ADARB2: variants seen among roughly 807,000 people sequenced by gnomAD.
ADARB2 encodes the protein inactive double-stranded RNA-specific editase B2.
In ADARB2, 25 loss-of-function variants were observed where a neutral mutation model predicts 62.2. That is an observed-to-expected ratio of 0.40 (90% CI 0.29 to 0.56). ADARB2 has a LOEUF of 0.56. Among genes scored for constraint, ADARB2 ranks in the 20% least tolerant of loss-of-function variants. The pLI, the probability that ADARB2 is intolerant of heterozygous loss-of-function variation, is 0.43. For missense variants in ADARB2, 1,071 were observed against 1,077.4 expected (o/e 0.99, Z 0.08); for synonymous variants, 572 against 500.8 (o/e 1.14, Z -1.90).
chr10:1,254,064 G>T (rs1429740196), intron 4 of ADARB2, among the ~76,000 whole-genome samples: 1 of 151,938 alleles, frequency 6.6e-6, no homozygotes, highest in East Asian at 1.9e-4. Context: ...CGGCTCTGTG[G>T]TTAGGATGTG....
At chr10:1,586,701 G>T (rs1304600221) in intron 1 of ADARB2, among the ~76,000 whole-genome samples, 1 of 152,186 alleles carries the variant, frequency 6.6e-6, no homozygotes, top group Non-Finnish European at 1.5e-5. Context: ...ACAGAGAATA[G>T]ATTCCTGGAT....
At chr10:1,600,749 C>T (rs1833401955) in intron 1 of ADARB2, among the ~76,000 whole-genome samples, 1 of 151,736 alleles carries the variant, frequency 6.6e-6, no homozygotes, top group Admixed American at 6.6e-5. Context: ...AGAAGGAGTC[C>T]CATTGATTTC....
chr10:1,579,477 T>C (rs1833065960), intron 1 of ADARB2, among the ~76,000 whole-genome samples: 2 of 152,182 alleles, frequency 1.3e-5, no homozygotes, highest in Admixed American at 1.3e-4. Flanking sequence ...AGATTGTGAC[T>C]CAGCTGTAAA....
intron 6 of ADARB2, among the ~76,000 whole-genome samples, chr10:1,232,518 G>GC (rs1830816618): frequency 6.8e-6 from 1 of 147,644 alleles, no homozygotes; most frequent in South Asian, 2.2e-4. Context: ...GGTATGTGCT[G>GC]TGTGTGATGT....
At chr10:1,346,374 C>T (rs901562130) in intron 3 of ADARB2, among the ~76,000 whole-genome samples, 20 of 152,182 alleles carry the variant, frequency 1.3e-4, no homozygotes, top group African/African-American at 4.6e-4. Context: ...GTTCCTGCCC[C>T]TCTTGTGGGT....
intron 3 of ADARB2, among the ~76,000 whole-genome samples, chr10:1,347,117 C>A (rs906052743): frequency 1.3e-5 from 2 of 152,216 alleles, no homozygotes; most frequent in Non-Finnish European, 2.9e-5. Flanking sequence ...CCAGGACTGG[C>A]CCATTCCCTT....
intron 1 of ADARB2, among the ~76,000 whole-genome samples, chr10:1,465,510 G>C (rs4347306): frequency 0.49 from 73,821 of 152,078 alleles, 18,215 homozygotes; most frequent in Admixed American, 0.56. Flanking sequence ...GGACCGTGAC[G>C]ACCGCAGTGC....
chr10:1,348,956 G>A (rs1351482727), intron 3 of ADARB2, among the ~76,000 whole-genome samples: 1 of 152,194 alleles, frequency 6.6e-6, no homozygotes, highest in East Asian at 1.9e-4. Context: ...TGACAATGGG[G>A]GAAGGAGAGA....
intron 1 of ADARB2, among the ~76,000 whole-genome samples, chr10:1,413,266 GGGTCCCCAGCCAA>G (rs1832774058): frequency 6.6e-6 from 1 of 151,902 alleles, no homozygotes; most frequent in Non-Finnish European, 1.5e-5. Context: ...TGCAGGAAGG[GGGTCCCCAGCCAA>G]TGTCCCAGCC....
At chr10:1,730,992 G>A (rs1039261242) in intron 1 of ADARB2, among the ~76,000 whole-genome samples, 1 of 152,186 alleles carries the variant, frequency 6.6e-6, no homozygotes, top group Non-Finnish European at 1.5e-5. Flanking sequence ...AATAAAAGGT[G>A]ATTAAATATC....
intron 1 of ADARB2, among the ~76,000 whole-genome samples, chr10:1,475,727 T>G (rs138721608): frequency 1.3e-5 from 2 of 152,202 alleles, no homozygotes; most frequent in African/African-American, 4.8e-5. Context: ...TTTGCATAAA[T>G]TTGGATGGAA....
chr10:1,623,317 G>C (rs988105690), intron 1 of ADARB2, among the ~76,000 whole-genome samples: 4 of 152,220 alleles, frequency 2.6e-5, no homozygotes, highest in African/African-American at 9.7e-5. Flanking sequence ...GTGTGAAAAT[G>C]ATTGAATTGT....
intron 5 of ADARB2, among the ~76,000 whole-genome samples, chr10:1,234,746 T>C (rs1830847681): frequency 2.5e-5 from 3 of 120,542 alleles, no homozygotes; most frequent in Non-Finnish European, 4.9e-5. Flanking sequence ...TCTTTTTTTT[T>C]TTTTTTTTTT....
At chr10:1,470,413 C>T (rs1463998110) in intron 1 of ADARB2, among the ~76,000 whole-genome samples, 1 of 152,150 alleles carries the variant, frequency 6.6e-6, no homozygotes, top group Non-Finnish European at 1.5e-5. Flanking sequence ...CACTGTAGGC[C>T]CTGTGGGGCT....
intron 1 of ADARB2, among the ~76,000 whole-genome samples, chr10:1,513,208 TA>T (rs1277958175): frequency 6.6e-6 from 1 of 152,084 alleles, no homozygotes; most frequent in Non-Finnish European, 1.5e-5. Context: ...TAACAGTAAA[TA>T]AAAAAATTAC....
intron 1 of ADARB2, among the ~76,000 whole-genome samples, chr10:1,462,660 AGTGTATGTGCCTGT>A (rs1831191766): frequency 8.6e-6 from 1 of 116,472 alleles, no homozygotes. Context: ...TATGTACATG[AGTGTATGTGCCTGT>A]GTGTATGTGT....
At chr10:1,243,797 A>G (rs910997685) in intron 4 of ADARB2, among the ~76,000 whole-genome samples, 4 of 152,106 alleles carry the variant, frequency 2.6e-5, no homozygotes, top group South Asian at 4.1e-4. Context: ...CCTCCTGCCC[A>G]TGTCCACTGC....
At chr10:1,378,956 A>C in intron 2 of ADARB2, 118 bp downstream of exon 2, 1 of 813,842 alleles carries the variant, frequency 1.2e-6, no homozygotes, top group South Asian at 1.5e-5. Context: ...CTCTCCAGGT[A>C]AGACCAAACA....
chr10:1,229,780 G>GTT (rs1232315090), intron 6 of ADARB2, among the ~76,000 whole-genome samples: 1 of 101,162 alleles, frequency 9.9e-6, no homozygotes, highest in Non-Finnish European at 2.2e-5. Flanking sequence ...ATGTGCTTCT[G>GTT]TGTACATGTG....
Sources: allele counts gnomAD v4.1 joint callset (sites outside exome capture counted in the v4.1 genomes callset), GRCh38; gene constraint gnomAD v4.1.1; transcripts MANE v1.5; gene names NCBI Gene and HGNC (gene_info 2026-07-23, HGNC 2026-07-21).